The following PALS2 variants were observed in gnomAD, a reference collection of about 807,000 sequenced individuals.
PALS2 encodes protein associated with LIN7 2, MAGUK p55 family member, also known as protein PALS2.
Under a neutral mutation model 61.6 loss-of-function variants are expected in PALS2, and 27 were observed. That is an observed-to-expected ratio of 0.44 (90% CI 0.32 to 0.60). PALS2 has a LOEUF of 0.60. Among genes scored for constraint, PALS2 ranks in the 20% least tolerant of loss-of-function variants. The probability of loss-of-function intolerance (pLI) is 0.05; values close to 1 mark genes in which losing one functional copy is unlikely to be tolerated. For synonymous variants in PALS2, 236 were observed against 218.6 expected, an observed-to-expected ratio of 1.08 and a Z score of -0.70; for missense variants, 554 against 639.4, an observed-to-expected ratio of 0.87 and a Z score of 1.44.
intron 1 of PALS2, among the ~76,000 whole-genome samples, chr7:24,610,681 A>C (rs934863339): frequency 2.6e-5 from 4 of 152,172 alleles, no homozygotes; most frequent in Non-Finnish European, 4.4e-5. Context: ...ATCAAAATTT[A>C]ATCTTAAGAA....
At chr7:24,653,413 A>G (rs1418172003) in intron 5 of PALS2, among the ~76,000 whole-genome samples, 1 of 152,146 alleles carries the variant, frequency 6.6e-6, no homozygotes, top group Non-Finnish European at 1.5e-5. Context: ...AAATAGAACA[A>G]ACATTATTCT....
At chr7:24,587,905 A>G (rs1783134418) in intron 1 of PALS2, among the ~76,000 whole-genome samples, 1 of 152,288 alleles carries the variant, frequency 6.6e-6, no homozygotes, top group Admixed American at 6.5e-5. Flanking sequence ...AATAGCACCG[A>G]GCTAATACAG....
chr7:24,625,873 A>C (rs1199146903), intron 2 of PALS2, among the ~76,000 whole-genome samples: 1 of 152,204 alleles, frequency 6.6e-6, no homozygotes, highest in Non-Finnish European at 1.5e-5. Flanking sequence ...AGGTTAAAAA[A>C]AATCCCAGGA....
chr7:24,678,565 TTTGC>T (rs1787747142), intron 9 of PALS2, among the ~76,000 whole-genome samples: 1 of 152,170 alleles, frequency 6.6e-6, no homozygotes, highest in South Asian at 2.1e-4. Context: ...ACAGGTGAAC[TTTGC>T]TTGCTCACGT....
At chr7:24,679,410 G>A in intron 10 of PALS2, 77 bp downstream of exon 10, 3 of 1,472,736 alleles carry the variant, frequency 2.0e-6, no homozygotes, top group South Asian at 2.6e-5. Context: ...GGGGTTGTTG[G>A]GTTGGGGTTG....
chr7:24,679,309 T>C lies in PALS2; in HGVS notation c.1293T>C (p.Thr431=). 1 of 1,614,030 alleles carries C rather than the reference T, an allele frequency of 6.2e-7. No individual in the cohort carries two copies. The highest frequency in any genetic ancestry group is 8.5e-7 in the Non-Finnish European group (1 of 1,179,922). Reference sequence around the variant, plus strand: ...TTGAGGTTGTCCAAACTGGACGGACTTGCATTCTGGATGTCAACCCACAAG... The same window carrying C: ...TTGAGGTTGTCCAAACTGGACGGACCTGCATTCTGGATGTCAACCCACAAG... The part of the protein sequence containing the change: ...SILEVVQTGR[T]CILDVNPQAL... The change falls in exon 10 of 12, where the codon ACT becomes ACC. Residue 431 remains threonine, a synonymous_variant. Coordinates refer to ENST00000222644, the MANE Select transcript of PALS2 (RefSeq NM_001303037.2).
At chr7:24,676,804 T>A (rs1472144395) in intron 9 of PALS2, among the ~76,000 whole-genome samples, 1 of 151,136 alleles carries the variant, frequency 6.6e-6, no homozygotes, top group Non-Finnish European at 1.5e-5. Flanking sequence ...TGAAGTCAGG[T>A]AGTGTGATGC....
At chr7:24,676,274 A>T (rs1787588718) in intron 9 of PALS2, among the ~76,000 whole-genome samples, 1 of 151,730 alleles carries the variant, frequency 6.6e-6, no homozygotes, top group South Asian at 2.1e-4. Context: ...TCTGGATATT[A>T]GCCCTTTGTC....
chr7:24,631,395 A>G (rs1784990957), intron 2 of PALS2, among the ~76,000 whole-genome samples: 1 of 152,220 alleles, frequency 6.6e-6, no homozygotes, highest in Non-Finnish European at 1.5e-5. Flanking sequence ...CTGCAATGTC[A>G]TGATAAAACT....
At chr7:24,665,510 C>A in intron 6 of PALS2, 78 bp from the exon 7 acceptor site, 4 of 1,285,462 alleles carry the variant, frequency 3.1e-6, no homozygotes, top group East Asian at 4.7e-5. Context: ...TTTTGACTGA[C>A]CACTGCTTGT....
At chr7:24,678,457 A>G (rs1199226980) in intron 9 of PALS2, among the ~76,000 whole-genome samples, 8 of 152,256 alleles carry the variant, frequency 5.3e-5, no homozygotes, top group Non-Finnish European at 1.0e-4. Context: ...GGGAATATCA[A>G]TAAACAGGAA....
intron 9 of PALS2, among the ~76,000 whole-genome samples, chr7:24,672,725 T>C (rs1787363307): frequency 6.6e-6 from 1 of 152,200 alleles, no homozygotes. Context: ...TGTACAGAAA[T>C]AAACTGATTT....
intron 2 of PALS2, among the ~76,000 whole-genome samples, chr7:24,639,417 C>CA (rs1785401737): frequency 1.3e-5 from 2 of 151,922 alleles, no homozygotes; most frequent in Non-Finnish European, 2.9e-5. Context: ...CACACACACA[C>CA]ACACACACAC....
chr7:24,660,666 T>G (rs993440604), intron 5 of PALS2, among the ~76,000 whole-genome samples: 8 of 152,322 alleles, frequency 5.3e-5, no homozygotes, highest in South Asian at 4.1e-4. Flanking sequence ...CTTTTGTTAT[T>G]AGGAATGATG....
chr7:24,676,889 G>A (rs1456387379), intron 9 of PALS2, among the ~76,000 whole-genome samples: 1 of 151,106 alleles, frequency 6.6e-6, no homozygotes, highest in Non-Finnish European at 1.5e-5. Flanking sequence ...GAACTTTAAA[G>A]TAGTTTTTTC....
In PALS2 at chr7:24,693,196, A is replaced by G. The variant is rs902460858; in HGVS notation, c.*5582A>G. ...TGAGTGATTTACTGCTTGTAAAGCA[A>G]CTGTCTTTGAATCTTATGAAATAGG... is the stretch of plus-strand genomic sequence containing the variant. On this transcript the variant is annotated 3_prime_UTR_variant, in exon 12 of 12. Coordinates refer to ENST00000222644, the MANE Select transcript of PALS2 (RefSeq NM_001303037.2). 3 of 152,196 alleles carry G rather than the reference A, an allele frequency of 2.0e-5. No individual in the cohort carries two copies. The highest frequency in any genetic ancestry group is 4.8e-5 in the African/African-American group (2 of 41,452). 9.4% of individuals were successfully genotyped at this position (152,196 alleles called of 1,614,324 possible). A position where few individuals can be genotyped will look rare whatever the true frequency, so the allele number is the denominator to read the frequency against.
chr7:24,627,158 CAA>C (rs1198802432), intron 2 of PALS2, among the ~76,000 whole-genome samples: 2 of 152,146 alleles, frequency 1.3e-5, no homozygotes, highest in East Asian at 3.8e-4. Flanking sequence ...GAAATCATAA[CAA>C]AGAATCTCTC....
At chr7:24,615,583 TG>T (rs1471613563) in intron 1 of PALS2, among the ~76,000 whole-genome samples, 1 of 151,808 alleles carries the variant, frequency 6.6e-6, no homozygotes, top group Non-Finnish European at 1.5e-5. Context: ...ATGATACGAC[TG>T]AATCAGTAAT....
intron 1 of PALS2, among the ~76,000 whole-genome samples, chr7:24,595,696 T>C (rs1449322618): frequency 6.7e-6 from 1 of 149,980 alleles, no homozygotes; most frequent in Non-Finnish European, 1.5e-5. Flanking sequence ...CAAAAAATAA[T>C]TTCAGATGAG....
Sources: allele counts gnomAD v4.1 joint callset (sites outside exome capture counted in the v4.1 genomes callset), GRCh38; gene constraint gnomAD v4.1.1; transcripts MANE v1.5; gene names NCBI Gene and HGNC (gene_info 2026-07-23, HGNC 2026-07-21).